Variants in ATP4A observed in about 807,000 individuals in gnomAD.
The protein encoded by ATP4A is ATPase H+/K+ transporting subunit alpha.
A neutral mutation model predicts 112.1 loss-of-function variants in ATP4A; 73 were observed. That is an observed-to-expected ratio of 0.65 (90% CI 0.54 to 0.79). ATP4A has a LOEUF of 0.79. Among genes scored for constraint, ATP4A ranks in the 30% least tolerant of loss-of-function variants. The pLI is 0.00. For synonymous variants in ATP4A, 588 were observed against 588.9 expected, an observed-to-expected ratio of 1.00 and a Z score of 0.02; for missense variants, 1,081 against 1,425.9, an observed-to-expected ratio of 0.76 and a Z score of 3.90.
Position 35,560,654 on chromosome 19 carries a change from T to TG in ATP4A, c.535-40dup. 3 of 506,888 alleles carry TG rather than the reference T, an allele frequency of 5.9e-6. No homozygotes were observed. The highest frequency in any genetic ancestry group is 3.6e-5 in the Admixed American group (1 of 27,820). 31.4% of individuals were successfully genotyped at this position (506,888 alleles called of 1,614,324 possible). On this transcript the variant is annotated intron_variant, in intron 5 of 21. Transcript: ENST00000262623. This position sits in a 1 kb window ranked among gnomAD's most constrained non-coding sequence, Gnocchi z 5.1. Reference sequence around the variant, plus strand: ...GCACCAAAGTTGAGGTGGACGGGGGTGGGGGTGGGAGCTGCTGCATGTGGG... The same window carrying TG: ...GCACCAAAGTTGAGGTGGACGGGGGTGGGGGGTGGGAGCTGCTGCATGTGGG...
In ATP4A at chr19:35,557,747, A is replaced by G; in HGVS notation, c.1601T>C (p.Ile534Thr). Residue 534 changes from isoleucine to threonine, a missense_variant, in exon 11 of 22, where the codon ATC (isoleucine) becomes ACC (threonine). Physicochemically the swap from Ile to Thr is moderately conservative, Grantham distance 89 (BLOSUM62 -1). Transcript: ENST00000262623. This position sits in a 1 kb window ranked among gnomAD's most constrained non-coding sequence, Gnocchi z 4.4. ...GTCCAGCGGCAGCTCCTGGCCCTTGATAAGGATGGAGCTGCAGCGCTCCAG... is the reference window on the plus strand; with the variant it reads ...GTCCAGCGGCAGCTCCTGGCCCTTGGTAAGGATGGAGCTGCAGCGCTCCAG... ...RVLERCSSIL[I>T]KGQELPLDEQ... is the part of the protein sequence containing the mutation. 4 of 1,605,636 alleles carry G rather than the reference A, an allele frequency of 2.5e-6. No individual in the cohort carries two copies. In the South Asian group the frequency reaches 4.4e-5, roughly 18 times the overall value.
In ATP4A at chr19:35,560,686, A is replaced by G; in HGVS notation, c.535-71T>C. 1 of 1,589,468 alleles carries G rather than the reference A, an allele frequency of 6.3e-7. No individual in the cohort carries two copies. Among genetic ancestry groups the G allele is most frequent in the South Asian group, 1.1e-5 (1 of 88,152 alleles). On this transcript the variant is annotated intron_variant, in intron 5 of 21. Coordinates refer to ENST00000262623, the MANE Select transcript of ATP4A (RefSeq NM_000704.3). This position sits in a 1 kb window ranked among gnomAD's most constrained non-coding sequence, Gnocchi z 5.1. Reference sequence around the variant, plus strand: ...GGGAGCTGCTGCATGTGGGGAGGTAAAGGATGAGGAGAGCTGGGACCCATG... The same window carrying G: ...GGGAGCTGCTGCATGTGGGGAGGTAGAGGATGAGGAGAGCTGGGACCCATG...
chr19:35,553,417 C>CA (rs1466661702), intron 17 of ATP4A, among the ~76,000 whole-genome samples: 1 of 151,964 alleles, frequency 6.6e-6, no homozygotes, highest in African/African-American at 2.4e-5. Flanking sequence ...GACAGAGAGA[C>CA]AGAGGCAGGG....
At position 35,559,230 on chromosome 19, in the gene ATP4A, C is replaced by T; in HGVS notation, c.1057-39G>A. On this transcript the variant is annotated intron_variant, in intron 7 of 21. Coordinates refer to ENST00000262623, the MANE Select transcript of ATP4A (RefSeq NM_000704.3). The surrounding 1 kb of genome is among the most constrained non-coding windows in gnomAD (Gnocchi z 4.1). ...GAGCACCGCAGGCTGGGGACCCACCCTGGCTTCCAGTCCTCTTCCCCGCGT... is the reference window on the plus strand; with the variant it reads ...GAGCACCGCAGGCTGGGGACCCACCTTGGCTTCCAGTCCTCTTCCCCGCGT... The T allele has an allele frequency of 6.2e-7, 1 of 1,606,448 alleles. No individual in the cohort carries two copies. The highest frequency in any genetic ancestry group is 8.5e-7 in the Non-Finnish European group (1 of 1,175,692).
chr19:35,558,405 G>A lies in ATP4A; in HGVS notation c.1457C>T (p.Pro486Leu). Residue 486 changes from proline (P) to leucine (L), a missense_variant, in exon 10 of 22, where the codon CCA becomes CTA. Pro to Leu is a moderately conservative substitution (Grantham distance 98). Around this residue, in one of 3 missense-constraint regions of ATP4A, gnomAD observed 850 missense variants for 1,068.2 expected, o/e 0.80. Coordinates refer to ENST00000262623, the MANE Select transcript of ATP4A (RefSeq NM_000704.3). The surrounding 1 kb of genome is among the most constrained non-coding windows in gnomAD (Gnocchi z 5.1). ...GTTGAAGGGTATCTCGCAGACTTTT[G>A]GGAAGCGGTCCCGGTAGCCCATGGC... ...GNAMGYRDRF[P>L]KVCEIPFNST... The A allele has an allele frequency of 6.2e-7, 1 of 1,611,406 alleles. No homozygotes were observed. The highest frequency in any genetic ancestry group is 8.5e-7 in the Non-Finnish European group (1 of 1,178,964).
rs1309733108 is a variant in ATP4A at position 35,553,199 on chromosome 19, G to A, written c.2606-17C>T. The A allele has an allele frequency of 1.3e-6, 2 of 1,584,520 alleles. No individual in the cohort carries two copies. Among genetic ancestry groups the A allele is most frequent in the Non-Finnish European group, 8.6e-7 (1 of 1,157,880 alleles). ...GAATGGCACCTGGAGAGAGACAAGG[G>A]GACACAGGGAGACAGAGATGGACAC... On this transcript the variant is annotated splice_polypyrimidine_tract_variant and intron_variant, in intron 17 of 21. Coordinates refer to ENST00000262623, the MANE Select transcript of ATP4A (RefSeq NM_000704.3).
rs748212 is a variant in ATP4A, at chr19:35,558,040, G to T, written c.1501-193C>A. On this transcript the variant is annotated intron_variant, in intron 10 of 21. Coordinates refer to ENST00000262623, the MANE Select transcript of ATP4A (RefSeq NM_000704.3). The surrounding 1 kb of genome is among the most constrained non-coding windows in gnomAD (Gnocchi z 5.1). ...TCCTTGGTAGAAGGTAAGCGTTAAGGCGGGGCTAGGTGCAGATTTGGAGTC... is the reference window on the plus strand; with the variant it reads ...TCCTTGGTAGAAGGTAAGCGTTAAGTCGGGGCTAGGTGCAGATTTGGAGTC... 271,278 of 609,878 alleles carry T rather than the reference G, an allele frequency of 0.44. 63,293 individuals carry two copies. Among genetic ancestry groups the T allele is most frequent in the Middle Eastern group, 0.56 (1,240 of 2,234 alleles). The allele number at this position is 609,878 out of a possible 1,614,324, so 37.8% of individuals were successfully genotyped here. A position where few individuals can be genotyped will look rare whatever the true frequency, so the allele number is the denominator to read the frequency against.
chr19:35,555,780 G>A lies in ATP4A; in HGVS notation c.1902C>T (p.Thr634=), dbSNP rs372060721. The change falls in exon 13 of 22, where the codon ACC becomes ACT. Residue 634 remains threonine (T), a synonymous_variant. Coordinates refer to ENST00000262623, the MANE Select transcript of ATP4A (RefSeq NM_000704.3). This position sits in a 1 kb window ranked among gnomAD's most constrained non-coding sequence, Gnocchi z 6.6. ...VIMVTGDHPI[T]AKAIAASVGI... is the part of the protein sequence containing the mutation. ...CCACACTGGCTGCAATGGCCTTGGC[G>A]GTGATGGGGTGGTCACCCGTTACCA... is the stretch of plus-strand genomic sequence containing the variant. 1.6e-4 allele frequency: 252 copies of A among 1,613,250 alleles called. 1 individual carries two copies. The highest frequency in any genetic ancestry group is 2.0e-4 in the Non-Finnish European group (235 of 1,179,446).
chr19:35,558,814 C>T lies in ATP4A; in HGVS notation c.1256-128G>A. ...TGGGTGGAATTGGGTTCCACCCAAC[C>T]CTGAGGGACCCAGCCCCCGGATGAC... On this transcript the variant is annotated intron_variant, in intron 8 of 21. Coordinates refer to ENST00000262623, the MANE Select transcript of ATP4A (RefSeq NM_000704.3). This position sits in a 1 kb window ranked among gnomAD's most constrained non-coding sequence, Gnocchi z 5.1. 1.4e-5 allele frequency: 18 copies of T among 1,262,174 alleles called. No homozygotes were observed. Among genetic ancestry groups the T allele is most frequent in the Non-Finnish European group, 1.9e-5 (18 of 925,730 alleles). 78.2% of individuals were successfully genotyped at this position (1,262,174 alleles called of 1,614,324 possible).
Position 35,551,063 on chromosome 19 carries a change from G to GCAGC in ATP4A, c.2930_2933dup (p.Cys978TrpfsTer38), listed in dbSNP as rs770523770. On this transcript the variant is annotated frameshift_variant, in exon 20 of 22. Transcript: ENST00000262623. LOFTEE classifies it high-confidence loss of function. This position sits in a 1 kb window ranked among gnomAD's most constrained non-coding sequence, Gnocchi z 5.2. Reference sequence around the variant, plus strand: ...GCATGCCGGGGCAGTAGCACAGGAAGCAGCCGATGCAGACCTGGAACACGA... The same window carrying GCAGC: ...GCATGCCGGGGCAGTAGCACAGGAAGCAGCCAGCCGATGCAGACCTGGAACACGA... 6 of 1,613,436 alleles carry GCAGC rather than the reference G, an allele frequency of 3.7e-6. No homozygotes were observed. The highest frequency in any genetic ancestry group is 5.1e-6 in the Non-Finnish European group (6 of 1,179,772).
chr19:35,559,875 A>G lies in ATP4A; in HGVS notation c.986T>C (p.Leu329Pro). The G allele has an allele frequency of 2.5e-6, 4 of 1,614,206 alleles. No individual in the cohort carries two copies. Among genetic ancestry groups the G allele is most frequent in the Non-Finnish European group, 3.4e-6 (4 of 1,180,028 alleles). The change falls in exon 7 of 22, where the codon CTG becomes CCG. Residue 329 changes from leucine (L) to proline (P), a missense_variant. By Grantham distance (98) the Leu-to-Pro change is moderately conservative (BLOSUM62 -3). This residue lies in a region of ATP4A where 850 missense variants were observed against 1,068.2 expected (regional missense o/e 0.80). Transcript: ENST00000262623. This position sits in a 1 kb window ranked among gnomAD's most constrained non-coding sequence, Gnocchi z 4.1. ...GGCCATGAAGAAGACCATGGCCCGCAGGAAGGTGTAGCCAATGCACATGGC... is the reference window on the plus strand; with the variant it reads ...GGCCATGAAGAAGACCATGGCCCGCGGGAAGGTGTAGCCAATGCACATGGC... ...IVAMCIGYTF[L>P]RAMVFFMAIV...
Position 35,559,232 on chromosome 19 carries a change from G to A in ATP4A, c.1057-41C>T, listed in dbSNP as rs1476844122. 1.2e-6 allele frequency: 2 copies of A among 1,602,242 alleles called. No individual in the cohort carries two copies. The highest frequency in any genetic ancestry group is 2.2e-5 in the South Asian group (2 of 90,868). On this transcript the variant is annotated intron_variant, in intron 7 of 21. Coordinates refer to ENST00000262623, the MANE Select transcript of ATP4A (RefSeq NM_000704.3). The surrounding 1 kb of genome is among the most constrained non-coding windows in gnomAD (Gnocchi z 4.1). ...GCACCGCAGGCTGGGGACCCACCCTGGCTTCCAGTCCTCTTCCCCGCGTCA... is the reference window on the plus strand; with the variant it reads ...GCACCGCAGGCTGGGGACCCACCCTAGCTTCCAGTCCTCTTCCCCGCGTCA...
At position 35,557,987 on chromosome 19, in the gene ATP4A, T is replaced by C. The variant is rs1599573180; in HGVS notation, c.1501-140A>G. On this transcript the variant is annotated intron_variant, in intron 10 of 21. Coordinates refer to ENST00000262623, the MANE Select transcript of ATP4A (RefSeq NM_000704.3). This position sits in a 1 kb window ranked among gnomAD's most constrained non-coding sequence, Gnocchi z 4.4. ...TGAGAGCTGCGGGGAAGGGTGAAGG[T>C]GGAAGATGGAGGCCTTGTGTGGAGG... 7.0e-6 allele frequency: 5 copies of C among 716,630 alleles called. No homozygotes were observed. The East Asian group carries it at 1.4e-4, about 21-fold the overall frequency. 44.4% of individuals were successfully genotyped at this position (716,630 alleles called of 1,614,324 possible).
Position 35,558,270 on chromosome 19 carries a change from G to A in ATP4A, c.1500+92C>T, listed in dbSNP as rs1227837768. On this transcript the variant is annotated intron_variant, in intron 10 of 21. Coordinates refer to ENST00000262623, the MANE Select transcript of ATP4A (RefSeq NM_000704.3). The surrounding 1 kb of genome is among the most constrained non-coding windows in gnomAD (Gnocchi z 5.1). Reference sequence around the variant, plus strand: ...TGGCTGCGGAGAGAAGGGGCAAGGAGCGAAGCCCCTCGTGGCCCGCTGATG... The same window carrying A: ...TGGCTGCGGAGAGAAGGGGCAAGGAACGAAGCCCCTCGTGGCCCGCTGATG... The A allele has an allele frequency of 4.9e-5, 72 of 1,460,694 alleles. No individual in the cohort carries two copies. Among genetic ancestry groups the A allele is most frequent in the Non-Finnish European group, 4.6e-6 (5 of 1,090,454 alleles). 90.5% of individuals were successfully genotyped at this position (1,460,694 alleles called of 1,614,324 possible).
intron 3 of ATP4A, 128 bp downstream of exon 3, chr19:35,563,081 T>C: frequency 3.6e-6 from 3 of 825,574 alleles, no homozygotes; most frequent in Non-Finnish European, 5.3e-6. Flanking sequence ...CCTCCCTCTC[T>C]CTATTTCTCC....
chr19:35,561,167 C>T (rs1194481201), intron 4 of ATP4A, among the ~76,000 whole-genome samples: 1 of 152,048 alleles, frequency 6.6e-6, no homozygotes, highest in Non-Finnish European at 1.5e-5. Flanking sequence ...TATTTCATAT[C>T]CTCTGGCCCT....
chr19:35,560,623 G>A lies in ATP4A; in HGVS notation c.535-8C>T. On this transcript the variant is annotated splice_polypyrimidine_tract_variant and splice_region_variant and intron_variant, in intron 5 of 21. Transcript: ENST00000262623. The surrounding 1 kb of genome is among the most constrained non-coding windows in gnomAD (Gnocchi z 5.1). ...GCGGATGACAGTGGCTTGCTGCGGG[G>A]CAGGGGCACCAAAGTTGAGGTGGAC... 6.2e-7 allele frequency: 1 copy of A among 1,607,204 alleles called. No homozygotes were observed. The highest frequency in any genetic ancestry group is 1.1e-5 in the South Asian group (1 of 90,966).
chr19:35,561,164 T>C lies in ATP4A; in HGVS notation c.421-232A>G, dbSNP rs188719921. Among the ~76,000 whole-genome samples the C allele has an allele frequency of 4.6e-5, 7 of 152,208 alleles. No individual in the cohort carries two copies. In the East Asian group the frequency reaches 1.4e-3, roughly 29 times the overall value. On this transcript the variant is annotated intron_variant, in intron 4 of 21. Transcript: ENST00000262623. Reference sequence around the variant, plus strand: ...GTCTTGTGTTTCTGTGTATATTTCATATCCTCTGGCCCTGAATCCTCAATC... The same window carrying C: ...GTCTTGTGTTTCTGTGTATATTTCACATCCTCTGGCCCTGAATCCTCAATC...
At chr19:35,563,118 C>T in intron 3 of ATP4A, 91 bp downstream of exon 3, 2 of 1,445,634 alleles carry the variant, frequency 1.4e-6, no homozygotes, top group Non-Finnish European at 1.9e-6. Flanking sequence ...ATCTCTCCCT[C>T]TCTCTCCCTC....
Sources: allele counts gnomAD v4.1 joint callset (sites outside exome capture counted in the v4.1 genomes callset), GRCh38; gene constraint gnomAD v4.1.1; regional missense constraint gnomAD v4.1.1; non-coding constraint Gnocchi (gnomAD v3.1); transcripts MANE v1.5; gene names NCBI Gene and HGNC (gene_info 2026-07-23, HGNC 2026-07-21).